The following HNRNPU variants were observed in gnomAD, a reference collection of about 807,000 sequenced individuals.
The protein encoded by HNRNPU is heterogeneous nuclear ribonucleoprotein U, also known as HNRNPU antisense RNA 1.
In HNRNPU, 5 loss-of-function variants were observed where a neutral mutation model predicts 94.7. The ratio of observed to expected loss-of-function variants is 0.05; its 90% CI spans 0.03 to 0.11. The LOEUF (loss-of-function observed/expected upper bound fraction) is 0.11, where lower values mean the gene tolerates loss of function less well. Among genes scored for constraint, HNRNPU ranks in the 10% least tolerant of loss-of-function variants. The pLI is 1.00. For synonymous variants in HNRNPU, 434 were observed against 381.6 expected (o/e 1.14, Z -1.60); for missense variants, 710 against 1,049.2 (o/e 0.68, Z 4.47).
At chr1:244,855,080 C>A (rs1680642930) in intron 12 of HNRNPU, 36 bp from the exon 13 acceptor site, 1 of 1,540,752 alleles carries the variant, frequency 6.5e-7, no homozygotes, top group African/African-American at 1.4e-5. Flanking sequence ...AGCTCTGAGC[C>A]CAATTGCTTG....
At chr1:244,862,590 A>G in intron 2 of HNRNPU, 29 bp downstream of exon 2, 1 of 1,607,054 alleles carries the variant, frequency 6.2e-7, no homozygotes, top group South Asian at 1.1e-5. Context: ...CGAATAAGGG[A>G]TGAGTAAAAC....
rs1573330768 is a variant in HNRNPU, at chr1:244,857,163, A to C, written c.1615-307T>G. 3 of 268,562 alleles carry C rather than the reference A, an allele frequency of 1.1e-5. No individual in the cohort carries two copies. In the East Asian group the frequency reaches 2.4e-4, roughly 21 times the overall value. The allele number at this position is 268,562 out of a possible 1,614,324, so 16.6% of individuals were successfully genotyped here. A position where few individuals can be genotyped will look rare whatever the true frequency, so the allele number is the denominator to read the frequency against. ...CCAACTTAATCTTGCCTTTCCTCCCATCTCTTTAAGATACTAACAAAATGG... is the reference window on the plus strand; with the variant it reads ...CCAACTTAATCTTGCCTTTCCTCCCCTCTCTTTAAGATACTAACAAAATGG... On this transcript the variant is annotated intron_variant, in intron 8 of 13. Coordinates refer to ENST00000640218, the MANE Select transcript of HNRNPU (RefSeq NM_031844.3).
rs886189976 is a variant in HNRNPU at position 244,858,083 on chromosome 1, A to G, written c.1422T>C (p.Thr474=). 6.2e-7 allele frequency: 1 copy of G among 1,613,960 alleles called. No homozygotes were observed. The highest frequency in any genetic ancestry group is 1.1e-5 in the South Asian group (1 of 91,086). ...KPYFPIPEEY[T]FIQNVPLEDR... is the part of the protein sequence containing the mutation. The stretch of plus-strand genomic sequence containing the variant: ...CCTCTAAGGGGACGTTCTGGATGAA[A>G]GTATACTCTTCAGGTATTGGAAAAT... The change falls in exon 7 of 14, where the codon ACT becomes ACC. Residue 474 remains threonine (T), a synonymous_variant. Transcript: ENST00000640218.
chr1:244,855,505 A>G lies in HNRNPU; in HGVS notation c.2271T>C (p.Pro757=). ...AGTAACTACCACGGCCAGGAAAAAC[A>G]GGGGCACGAGGGTATGGATAGCCGA... is the stretch of plus-strand genomic sequence containing the variant. The part of the protein sequence containing the change: ...GGIGYPYPRA[P]VFPGRGSYSN... The change falls in exon 12 of 14, where the codon CCT becomes CCC. Residue 757 remains proline (P), a synonymous_variant. Transcript: ENST00000640218. 1 of 1,614,050 alleles carries G rather than the reference A, an allele frequency of 6.2e-7. No homozygotes were observed. Among genetic ancestry groups the G allele is most frequent in the Non-Finnish European group, 8.5e-7 (1 of 1,179,946 alleles).
At chr1:244,860,057 T>G in intron 4 of HNRNPU, 2 of 325,362 alleles carry the variant, frequency 6.1e-6, no homozygotes, top group Admixed American at 4.9e-5. Context: ...TCCCAGCACT[T>G]TGGGACGCCG....
chr1:244,863,539 G>A (rs1447644316), intron 1 of HNRNPU, 78 bp downstream of exon 1: 9 of 1,270,598 alleles, frequency 7.1e-6, no homozygotes, highest in Non-Finnish European at 8.9e-6. Context: ...TCCCCCTGCG[G>A]GGCTCCGGCA....
At chr1:244,857,227 C>T (rs1012838811) in intron 8 of HNRNPU, 27 of 224,528 alleles carry the variant, frequency 1.2e-4, no homozygotes, top group Non-Finnish European at 1.8e-4. Flanking sequence ...GAATACCTCC[C>T]GGTCTATAAT....
Position 244,863,701 on chromosome 1 carries a change from C to T in HNRNPU, c.607G>A (p.Ala203Thr), listed in dbSNP as rs773306715. 4.5e-6 allele frequency: 7 copies of T among 1,564,968 alleles called. No homozygotes were observed. The highest frequency in any genetic ancestry group is 1.7e-4 in the Middle Eastern group (1 of 5,782). ...LFAVTVAPPG[A>T]RQGQQQAGGK... ...CCCGCCTGCTGCTGGCCCTGCCTCG[C>T]CCCGGGCGGCGCCACCGTCACCGCG... is the stretch of plus-strand genomic sequence containing the variant. The change falls in exon 1 of 14, where the codon GCG (alanine) becomes ACG (threonine). Residue 203 changes from alanine to threonine, a missense_variant. By Grantham distance (58) the Ala-to-Thr change is moderately conservative. Around this residue, in one of 8 missense-constraint regions of HNRNPU, gnomAD observed 292 missense variants for 293.4 expected, o/e 1.00. Coordinates refer to ENST00000640218, the MANE Select transcript of HNRNPU (RefSeq NM_031844.3).
chr1:244,856,581 A>G lies in HNRNPU; in HGVS notation c.1788T>C (p.Phe596=), dbSNP rs757111655. The stretch of plus-strand genomic sequence containing the variant: ...CAACAGCTTTTCGCTGGAAGCCTGC[A>G]AACAGGCACATTTTTCTCCTCTGGG... ...AAAQRRKMCL[F]AGFQRKAVVV... Residue 596 remains phenylalanine, a synonymous_variant, in exon 10 of 14, where the codon TTT becomes TTC. Coordinates refer to ENST00000640218, the MANE Select transcript of HNRNPU (RefSeq NM_031844.3). 5.6e-6 allele frequency: 9 copies of G among 1,614,138 alleles called. No homozygotes were observed. Among genetic ancestry groups the G allele is most frequent in the Non-Finnish European group, 7.6e-6 (9 of 1,179,998 alleles).
Position 244,864,481 on chromosome 1 carries a change from T to C in HNRNPU, c.-174A>G, listed in dbSNP as rs1573338856. ...CTGGTGTCGAACGGCGCCAATTCCT[T>C]TCACCGAGTTCGCGAGGGAGACGCG... On this transcript the variant is annotated 5_prime_UTR_variant, in exon 1 of 14. Transcript: ENST00000640218. The C allele has an allele frequency of 1.8e-6, 2 of 1,116,832 alleles. No homozygotes were observed. Among genetic ancestry groups the C allele is most frequent in the Admixed American group, 3.2e-5 (1 of 31,316 alleles). The allele number at this position is 1,116,832 out of a possible 1,614,324, so 69.2% of individuals were successfully genotyped here. A position where few individuals can be genotyped will look rare whatever the true frequency, so the allele number is the denominator to read the frequency against.
chr1:244,861,742 C>CAAAAAAAAAAAAAAAAA (rs57665611), intron 3 of HNRNPU: 1 of 117,502 alleles, frequency 8.5e-6, no homozygotes. Context: ...TTTTTTGTAA[C>CAAAAAAAAAAAAAAAAA]AAAAAAAAAA....
At chr1:244,855,107 G>A (rs1558185739) in intron 12 of HNRNPU, 63 bp from the exon 13 acceptor site, 3 of 1,287,314 alleles carry the variant, frequency 2.3e-6, no homozygotes. Flanking sequence ...TTGTGGGGGT[G>A]AGAGAGAGGA....
chr1:244,853,399 C>G lies in HNRNPU; in HGVS notation c.*1051G>C, dbSNP rs926119103. The G allele has an allele frequency of 6.6e-6, 1 of 152,448 alleles. No individual in the cohort carries two copies. The highest frequency in any genetic ancestry group is 1.5e-5 in the Non-Finnish European group (1 of 67,958). The allele number at this position is 152,448 out of a possible 1,614,324, so 9.4% of individuals were successfully genotyped here. ...TCCCAAAACAAGAGTAAAATGAATT[C>G]TTTTTATTGCAAACAAACGTCTAAA... On this transcript the variant is annotated 3_prime_UTR_variant, in exon 14 of 14. Coordinates refer to ENST00000640218, the MANE Select transcript of HNRNPU (RefSeq NM_031844.3).
chr1:244,860,087 G>A (rs1680786250), intron 4 of HNRNPU: 1 of 385,458 alleles, frequency 2.6e-6, no homozygotes, highest in Non-Finnish European at 4.6e-6. Flanking sequence ...ATCACCTGAG[G>A]TCAAGAGTTG....
chr1:244,863,410 ACACACACACACGCGCGCGCG>A (rs1208841150), intron 1 of HNRNPU, among the ~76,000 whole-genome samples, 187 bp downstream of exon 1: 13 of 143,740 alleles, frequency 9.0e-5, no homozygotes, highest in African/African-American at 3.4e-4. Context: ...ACACACACAC[ACACACACACACGCGCGCGCG>A]CACACACACG....
chr1:244,864,407 C>T lies in HNRNPU; in HGVS notation c.-100G>A, dbSNP rs1311229202. ...TGCGGCTGCTCCTCGGCCCGGGCGGCGGCTGCGGCTGCGGCTGGAGATGGG... is the reference window on the plus strand; with the variant it reads ...TGCGGCTGCTCCTCGGCCCGGGCGGTGGCTGCGGCTGCGGCTGGAGATGGG... On this transcript the variant is annotated 5_prime_UTR_variant, in exon 1 of 14. Transcript: ENST00000640218. The T allele has an allele frequency of 2.6e-6, 4 of 1,551,370 alleles. No homozygotes were observed. The highest frequency in any genetic ancestry group is 2.2e-5 in the Admixed American group (1 of 46,130).
At chr1:244,857,903 C>T in intron 7 of HNRNPU, 108 bp downstream of exon 7, 1 of 1,323,322 alleles carries the variant, frequency 7.6e-7, no homozygotes, top group Non-Finnish European at 1.0e-6. Context: ...GCAATATGCA[C>T]AGCACAAAGT....
rs1236981258 is a variant in HNRNPU at position 244,858,097 on chromosome 1, G to A, written c.1408C>T (p.Pro470Ser). Residue 470 changes from proline (P) to serine (S), a missense_variant, in exon 7 of 14, where the codon CCT becomes TCT. By Grantham distance (74) the Pro-to-Ser change is moderately conservative. Around this residue, in one of 8 missense-constraint regions of HNRNPU, gnomAD observed 150 missense variants for 187.9 expected, o/e 0.80. Transcript: ENST00000640218. ...GQKEKPYFPI[P>S]EEYTFIQNVP... The stretch of plus-strand genomic sequence containing the variant: ...TTCTGGATGAAAGTATACTCTTCAG[G>A]TATTGGAAAATATGGCTTTTCCTTC... 6.2e-7 allele frequency: 1 copy of A among 1,613,802 alleles called. No homozygotes were observed.
rs1375842097 is a variant in HNRNPU at position 244,857,664 on chromosome 1, T to C, written c.1548A>G (p.Lys516=). 4 of 1,613,418 alleles carry C rather than the reference T, an allele frequency of 2.5e-6. No individual in the cohort carries two copies. The African/African-American group carries it at 5.3e-5, about 22-fold the overall frequency. ...ATTTCCCTGGATTTTCTGCTGCATG[T>C]TTAGTAACCCAGGTAGTTTTTCCAG... ...PGAGKTTWVT[K]HAAENPGKYN... Residue 516 remains lysine, a synonymous_variant, in exon 8 of 14, where the codon AAA becomes AAG. Transcript: ENST00000640218.
Sources: gnomAD v4.1 joint callset for allele counts (sites outside exome capture counted in the v4.1 genomes callset) on GRCh38, gnomAD v4.1.1 for gene constraint, gnomAD v4.1.1 regional missense constraint, MANE v1.5 for transcripts, NCBI Gene and HGNC (gene_info 2026-07-23, HGNC 2026-07-21) for gene names.